Variants in PURG observed in about 807,000 individuals in gnomAD.
PURG encodes purine rich element binding protein G.
Under a neutral mutation model 24.3 loss-of-function variants are expected in PURG, and 3 were observed. The observed-to-expected ratio is 0.12, with a 90% CI of 0.06 to 0.32. The LOEUF (loss-of-function observed/expected upper bound fraction) is 0.32. PURG is among the 10% of genes least tolerant of loss of function. PURG has a pLI of 1.00. For synonymous variants in PURG, 180 were observed against 173.1 expected (o/e 1.04, Z -0.31); for missense variants, 371 against 439.1 (o/e 0.84, Z 1.39).
In PURG at chr8:31,032,637, T is replaced by C; in HGVS notation, c.146A>G (p.Asn49Ser). 6.3e-7 allele frequency: 1 copy of C among 1,592,106 alleles called. No individual in the cohort carries two copies. Among genetic ancestry groups the C allele is most frequent in the Non-Finnish European group, 8.6e-7 (1 of 1,167,686 alleles). Residue 49 changes from asparagine to serine, a missense_variant, in exon 2 of 2, where the codon AAT (asparagine) becomes AGT (serine). By Grantham distance (46) the Asn-to-Ser change is conservative. Coordinates refer to ENST00000523392, the MANE Select transcript of PURG (RefSeq NM_001323311.2). The surrounding 1 kb of genome is among the most constrained non-coding windows in gnomAD (Gnocchi z 5.9). ...YPHYAASATP[N>S]QAGGAAEIQE... ...GATTTCGGCTGCGCCCCCGGCCTGA[T>C]TAGGGGTGGCTGAGGCCGCGTAGTG... is the stretch of plus-strand genomic sequence containing the variant.
chr8:31,013,245 G>A (rs1810797332), intron 1 of PURG, among the ~76,000 whole-genome samples: 1 of 152,114 alleles, frequency 6.6e-6, no homozygotes, highest in Non-Finnish European at 1.5e-5. Flanking sequence ...TAGTTACCTA[G>A]TGACCCAAAA....
At chr8:31,028,311 G>GT (rs762577036), downstream of PURG, among the ~76,000 whole-genome samples, 2 of 151,690 alleles carry the variant, frequency 1.3e-5, no homozygotes, top group Non-Finnish European at 3.0e-5. Flanking sequence ...ATGGAAACCT[G>GT]TTACAACAAC....
chr8:30,998,565 A>G lies in PURG; in HGVS notation c.865-1868T>C, dbSNP rs542637904. Among the ~76,000 whole-genome samples, 66 of 151,866 alleles carry G rather than the reference A, an allele frequency of 4.3e-4. 1 individual carries two copies. The South Asian group carries it at 0.013, about 31-fold the overall frequency. The stretch of plus-strand genomic sequence containing the variant: ...TCTTTTGTAGTTCTTATTTCATGTA[A>G]TCTTCAATCCCTAAGGTATTAATAT... On this transcript the variant is annotated intron_variant, in intron 1 of 1. Coordinates refer to the PURG transcript ENST00000339382.
intron 1 of PURG, among the ~76,000 whole-genome samples, chr8:31,009,427 A>G (rs1324839115): frequency 6.6e-6 from 1 of 152,024 alleles, no homozygotes; most frequent in Non-Finnish European, 1.5e-5. Context: ...CTCTGTCTCA[A>G]AACAAAACAA....
rs1245213394 is a variant in PURG, at chr8:31,031,709, A to T, written c.*30T>A. On this transcript the variant is annotated 3_prime_UTR_variant, in exon 2 of 2. Transcript: ENST00000523392. ...GTACTTTTAGCCAATTTGTGATTTT[A>T]AATTTTGCCTGATGGAGTTCAATTT... is the stretch of plus-strand genomic sequence containing the variant. 6.6e-7 allele frequency: 1 copy of T among 1,508,486 alleles called. No individual in the cohort carries two copies. Among genetic ancestry groups the T allele is most frequent in the South Asian group, 1.3e-5 (1 of 76,702 alleles). 93.4% of individuals were successfully genotyped at this position (1,508,486 alleles called of 1,614,324 possible).
At chr8:31,008,995 A>C (rs1337323305) in intron 1 of PURG, among the ~76,000 whole-genome samples, 3 of 152,210 alleles carry the variant, frequency 2.0e-5, no homozygotes, top group Admixed American at 1.3e-4. Context: ...TCTCCCGGCA[A>C]AAGGCAAGTG....
Position 31,031,627 on chromosome 8 carries a change from T to C in PURG, c.*112A>G, listed in dbSNP as rs142344923. The C allele has an allele frequency of 3.4e-5, 30 of 880,944 alleles. No homozygotes were observed. The East Asian group carries it at 4.0e-4, about 12-fold the overall frequency. 54.6% of individuals were successfully genotyped at this position (880,944 alleles called of 1,614,324 possible). ...CCTGAAGTATCAACTACTAGAGGTA[T>C]TACTAATAACAACGGGCCAAAAAAG... On this transcript the variant is annotated 3_prime_UTR_variant, in exon 2 of 2. Transcript: ENST00000523392.
Position 31,032,306 on chromosome 8 carries a change from G to A in PURG, c.477C>T (p.Val159=), listed in dbSNP as rs940468985. ...RQKHSAPSPP[V]SVGSEEHPHS... ...GAGGATGCTCTTCGGACCCCACCGA[G>A]ACTGGTGGGGAGGGTGCCGAGTGCT... Residue 159 remains valine, a synonymous_variant, in exon 2 of 2, where the codon GTC becomes GTT. Coordinates refer to ENST00000523392, the MANE Select transcript of PURG (RefSeq NM_001323311.2). This position sits in a 1 kb window ranked among gnomAD's most constrained non-coding sequence, Gnocchi z 5.9. 6.2e-7 allele frequency: 1 copy of A among 1,612,748 alleles called. No individual in the cohort carries two copies. The highest frequency in any genetic ancestry group is 8.5e-7 in the Non-Finnish European group (1 of 1,180,010).
intron 1 of PURG, among the ~76,000 whole-genome samples, chr8:31,011,511 T>C (rs535533313): frequency 6.6e-6 from 1 of 152,322 alleles, no homozygotes; most frequent in South Asian, 2.1e-4. Flanking sequence ...TTGAGCACTA[T>C]GACAGTATGT....
Position 31,031,736 on chromosome 8 carries a change from A to AC in PURG, c.*2dup. 6.5e-7 allele frequency: 1 copy of AC among 1,538,456 alleles called. No individual in the cohort carries two copies. Among genetic ancestry groups the AC allele is most frequent in the African/African-American group, 1.4e-5 (1 of 72,234 alleles). On this transcript the variant is annotated 3_prime_UTR_variant, in exon 2 of 2. Transcript: ENST00000523392. ...ATTTTGCCTGATGGAGTTCAATTTC[A>AC]CTCTAGTCGAGGCATTCTTGTTCTT...
At chr8:31,027,759 GTAT>G (rs1811116640), downstream of PURG, among the ~76,000 whole-genome samples, 1 of 151,696 alleles carries the variant, frequency 6.6e-6, no homozygotes, top group African/African-American at 2.4e-5. Flanking sequence ...TCTCAGTAAA[GTAT>G]TATTAAGCAA....
In PURG at chr8:31,031,531, G is replaced by T; in HGVS notation, c.*208C>A. ...GCAGTTGAAGCAGCTAAACTATTTAGCTCTGGGAAGGTTGGAATTCCCGTA... is the reference window on the plus strand; with the variant it reads ...GCAGTTGAAGCAGCTAAACTATTTATCTCTGGGAAGGTTGGAATTCCCGTA... On this transcript the variant is annotated 3_prime_UTR_variant, in exon 2 of 2. Coordinates refer to ENST00000523392, the MANE Select transcript of PURG (RefSeq NM_001323311.2). The T allele has an allele frequency of 1.7e-6, 1 of 584,546 alleles. No individual in the cohort carries two copies. Among genetic ancestry groups the T allele is most frequent in the Non-Finnish European group, 3.0e-6 (1 of 333,024 alleles). 36.2% of individuals were successfully genotyped at this position (584,546 alleles called of 1,614,324 possible).
At chr8:31,024,187 A>AT (rs1357900132) in intron 1 of PURG, among the ~76,000 whole-genome samples, 2 of 152,104 alleles carry the variant, frequency 1.3e-5, no homozygotes, top group Admixed American at 6.6e-5. Context: ...TAAAACTGAC[A>AT]TTTTTTTGCA....
intron 1 of PURG, among the ~76,000 whole-genome samples, chr8:31,009,459 C>A (rs1810724219): frequency 6.6e-6 from 1 of 151,998 alleles, no homozygotes; most frequent in African/African-American, 2.4e-5. Flanking sequence ...ACAACAAAAA[C>A]CACCAGAATA....
intron 1 of PURG, among the ~76,000 whole-genome samples, chr8:31,008,546 CCCACCAAGG>C (rs1332866933): frequency 6.6e-6 from 1 of 152,160 alleles, no homozygotes; most frequent in Non-Finnish European, 1.5e-5. Context: ...TCAAGTGAGG[CCCACCAAGG>C]CCTCCCAAAG....
intron 1 of PURG, among the ~76,000 whole-genome samples, chr8:31,021,831 C>A (rs1415268430): frequency 2.6e-5 from 4 of 152,204 alleles, no homozygotes; most frequent in Admixed American, 2.0e-4. Context: ...AGGGGCCCAG[C>A]TATGTCTAGT....
intron 1 of PURG, among the ~76,000 whole-genome samples, chr8:31,017,948 T>C: frequency 6.6e-6 from 1 of 152,196 alleles, no homozygotes; most frequent in South Asian, 2.1e-4. Flanking sequence ...TTGCCTCTTG[T>C]GTCATTCTAA....
chr8:31,013,093 T>C (rs1203389869), intron 1 of PURG, among the ~76,000 whole-genome samples: 2 of 152,318 alleles, frequency 1.3e-5, no homozygotes, highest in South Asian at 2.1e-4. Context: ...GTAGATTTTA[T>C]TTAATATGCT....
Position 31,032,011 on chromosome 8 carries a change from G to T in PURG, c.772C>A (p.Pro258Thr). 1 of 1,614,104 alleles carries T rather than the reference G, an allele frequency of 6.2e-7. No homozygotes were observed. Among genetic ancestry groups the T allele is most frequent in the South Asian group, 1.1e-5 (1 of 91,068 alleles). ...GAAGTCCCCTCTGGGAGTTCAAGCG[G>T]GTCATCGTCTCCACCTCTTCGTTCT... ...IEERRGGDDD[P>T]LELPEGTSFR... Residue 258 changes from proline to threonine, a missense_variant, in exon 2 of 2, where the codon CCG becomes ACG. This residue lies in a region of PURG where 103 missense variants were observed against 127.7 expected (regional missense o/e 0.81). Coordinates refer to ENST00000523392, the MANE Select transcript of PURG (RefSeq NM_001323311.2). This position sits in a 1 kb window ranked among gnomAD's most constrained non-coding sequence, Gnocchi z 5.9.
Sources: allele counts gnomAD v4.1 joint callset (sites outside exome capture counted in the v4.1 genomes callset), GRCh38; gene constraint gnomAD v4.1.1; regional missense constraint gnomAD v4.1.1; non-coding constraint Gnocchi (gnomAD v3.1); transcripts MANE v1.5; gene names NCBI Gene and HGNC (gene_info 2026-07-23, HGNC 2026-07-21).